Variants in RALYL observed in about 807,000 individuals in gnomAD.
RALYL encodes the protein RALY RNA binding protein like.
Under a neutral mutation model 35.1 loss-of-function variants are expected in RALYL, and 29 were observed. The ratio of observed to expected loss-of-function variants is 0.83; its 90% CI spans 0.61 to 1.13. RALYL has a LOEUF of 1.13. Ranked by LOEUF, RALYL falls within the 50% of genes most tolerant of loss-of-function variation. RALYL has a pLI of 0.00. For synonymous variants in RALYL, 120 were observed against 127.6 expected (o/e 0.94, Z 0.40); for missense variants, 359 against 360.4 (o/e 1.00, Z 0.03).
At chr8:84,520,043 T>G (rs1033033564) in intron 1 of RALYL, among the ~76,000 whole-genome samples, 3 of 152,236 alleles carry the variant, frequency 2.0e-5, no homozygotes, top group Non-Finnish European at 4.4e-5. Flanking sequence ...GGAAGCTTGT[T>G]TATTAATTGC....
At chr8:84,339,421 A>G (rs1306981671) in intron 1 of RALYL, among the ~76,000 whole-genome samples, 5 of 151,728 alleles carry the variant, frequency 3.3e-5, no homozygotes, top group Non-Finnish European at 5.9e-5. Flanking sequence ...CATGAATCCT[A>G]TTGTAGGTTG....
At chr8:84,657,133 A>G (rs905692005) in intron 2 of RALYL, among the ~76,000 whole-genome samples, 2 of 152,200 alleles carry the variant, frequency 1.3e-5, no homozygotes, top group African/African-American at 4.8e-5. Context: ...AGATCTAGTG[A>G]ATAGTAACAA....
chr8:84,824,354 T>A (rs1450322950), intron 4 of RALYL, among the ~76,000 whole-genome samples: 1 of 151,218 alleles, frequency 6.6e-6, no homozygotes, highest in Admixed American at 6.6e-5. Context: ...TTCAAAGAAA[T>A]CATACATGAC....
intron 1 of RALYL, among the ~76,000 whole-genome samples, chr8:84,309,786 G>T (rs570653378): frequency 1.3e-5 from 2 of 152,272 alleles, no homozygotes; most frequent in Admixed American, 1.3e-4. Context: ...CTAAGTGGGT[G>T]TTTGTTTGTT....
intron 1 of RALYL, among the ~76,000 whole-genome samples, chr8:84,458,650 TATAAAA>T (rs1219672002): frequency 5.3e-5 from 8 of 151,782 alleles, no homozygotes; most frequent in Admixed American, 3.3e-4. Context: ...ATTTCAGTCT[TATAAAA>T]AGAAAAGGTA....
intron 1 of RALYL, among the ~76,000 whole-genome samples, chr8:84,428,104 T>TCACACACACACACACACACA (rs769786577): frequency 7.6e-6 from 1 of 131,758 alleles, no homozygotes; most frequent in Non-Finnish European, 1.6e-5. Context: ...TCTCTCTCTC[T>TCACACACACACACACACACA]CTCACACACA....
intron 1 of RALYL, among the ~76,000 whole-genome samples, chr8:84,285,283 A>C (rs1837373653): frequency 6.6e-6 from 1 of 152,234 alleles, no homozygotes; most frequent in Non-Finnish European, 1.5e-5. Context: ...TAGAGTTCAA[A>C]GATCTAAAAA....
intron 1 of RALYL, among the ~76,000 whole-genome samples, chr8:84,425,988 C>T (rs866214067): frequency 6.6e-6 from 1 of 151,930 alleles, no homozygotes; most frequent in Non-Finnish European, 1.5e-5. Context: ...TTGAGGATAA[C>T]CGTTTATCCA....
chr8:84,408,794 A>C (rs1459494228), intron 1 of RALYL, among the ~76,000 whole-genome samples: 1 of 152,180 alleles, frequency 6.6e-6, no homozygotes, highest in Non-Finnish European at 1.5e-5. Flanking sequence ...ACAATGCTAT[A>C]TGTAGAACAT....
At chr8:84,528,888 A>G (rs1207718271) in intron 1 of RALYL, among the ~76,000 whole-genome samples, 1 of 152,106 alleles carries the variant, frequency 6.6e-6, no homozygotes, top group African/African-American at 2.4e-5. Flanking sequence ...CATGTACTCA[A>G]ACAGAAGATG....
rs991875392 is a variant in RALYL, at chr8:84,638,865, C to T, written c.256+109288C>T. Among the ~76,000 whole-genome samples the T allele has an allele frequency of 3.3e-3, 260 of 78,832 alleles. 3 individuals are homozygous for T. Among genetic ancestry groups the T allele is most frequent in the Middle Eastern group, 0.019 (3 of 158 alleles). The allele number at this position is 78,832 out of a possible 152,430, so 51.7% of individuals were successfully genotyped here. ...AACAGAAATACGAGTATCTAATGCA[C>T]GCATAAATATATATATATATATATA... On this transcript the variant is annotated intron_variant, in intron 2 of 8. Transcript: ENST00000521268.
At chr8:84,738,962 A>T (rs969512822) in intron 2 of RALYL, among the ~76,000 whole-genome samples, 22 of 152,050 alleles carry the variant, frequency 1.4e-4, no homozygotes, top group Non-Finnish European at 3.1e-4. Context: ...ACTGATTAAG[A>T]TGTGGAAGGC....
intron 1 of RALYL, among the ~76,000 whole-genome samples, chr8:84,493,557 C>T (rs2055597349): frequency 6.6e-6 from 1 of 152,054 alleles, no homozygotes; most frequent in Non-Finnish European, 1.5e-5. Context: ...CCTATTTCTC[C>T]ACAGCCTCAC....
intron 1 of RALYL, among the ~76,000 whole-genome samples, chr8:84,458,974 A>C (rs2050442896): frequency 6.6e-6 from 1 of 151,860 alleles, no homozygotes; most frequent in Admixed American, 6.6e-5. Context: ...TCTAGGGAAT[A>C]AAAATCATTA....
chr8:84,866,244 A>G (rs1310758257), intron 6 of RALYL, among the ~76,000 whole-genome samples: 5 of 152,164 alleles, frequency 3.3e-5, no homozygotes, highest in Non-Finnish European at 7.3e-5. Context: ...AGAAGAACAG[A>G]GGCTTTCCTG....
At chr8:84,624,029 G>T (rs1237973180) in intron 2 of RALYL, among the ~76,000 whole-genome samples, 1 of 152,168 alleles carries the variant, frequency 6.6e-6, no homozygotes, top group Admixed American at 6.5e-5. Context: ...ACAGAAAAGA[G>T]TTGAAGTTTT....
At chr8:84,798,532 C>A (rs1288327565) in intron 3 of RALYL, among the ~76,000 whole-genome samples, 1 of 152,190 alleles carries the variant, frequency 6.6e-6, no homozygotes, top group Non-Finnish European at 1.5e-5. Flanking sequence ...CAAGGCCACA[C>A]AGCCAGAGGT....
At chr8:84,544,490 T>A (rs1291898785) in intron 2 of RALYL, among the ~76,000 whole-genome samples, 2 of 152,066 alleles carry the variant, frequency 1.3e-5, no homozygotes, top group Non-Finnish European at 2.9e-5. Context: ...TTTTTATCAT[T>A]GCATAGTATT....
At chr8:84,388,408 G>T (rs1859769089) in intron 1 of RALYL, among the ~76,000 whole-genome samples, 1 of 152,122 alleles carries the variant, frequency 6.6e-6, no homozygotes, top group South Asian at 2.1e-4. Context: ...GATCCCTGAG[G>T]AATCGCCACA....
Sources: allele counts gnomAD v4.1 joint callset (sites outside exome capture counted in the v4.1 genomes callset), GRCh38; gene constraint gnomAD v4.1.1; transcripts MANE v1.5; gene names NCBI Gene and HGNC (gene_info 2026-07-23, HGNC 2026-07-21).